Variants in IL17RD observed in about 807,000 individuals in gnomAD.
IL17RD encodes the protein interleukin 17 receptor D, also known as interleukin-17 receptor D.
IL17RD carries 52 observed loss-of-function variants against 80.5 expected under a neutral mutation model. That is an observed-to-expected ratio of 0.65 (90% CI 0.52 to 0.81). The LOEUF (loss-of-function observed/expected upper bound fraction) is 0.81, where lower values mean the gene tolerates loss of function less well. Ranked by LOEUF, IL17RD falls within the 40% of genes least tolerant of loss-of-function variation. The pLI is 0.00. For missense variants in IL17RD, 1,024 were observed against 955.1 expected (o/e 1.07, Z -0.95); for synonymous variants, 416 against 391.8 (o/e 1.06, Z -0.73).
chr3:57,161,013 G>A (rs1321975871), intron 1 of IL17RD, among the ~76,000 whole-genome samples: 2 of 152,186 alleles, frequency 1.3e-5, no homozygotes, highest in Non-Finnish European at 2.9e-5. Context: ...GCACTGCAGG[G>A]GCTTGGGGTT....
At chr3:57,103,202 T>C in intron 8 of IL17RD, 57 bp from the exon 9 acceptor site, 1 of 1,397,590 alleles carries the variant, frequency 7.2e-7, no homozygotes, top group Non-Finnish European at 9.9e-7. Context: ...ACCAGGTAAG[T>C]GGAAAAAAAT....
chr3:57,132,604 T>C (rs544593298), intron 1 of IL17RD, among the ~76,000 whole-genome samples: 86 of 152,308 alleles, frequency 5.6e-4, no homozygotes, highest in African/African-American at 2.0e-3. Context: ...TACAACTCAG[T>C]AACTAAACAC....
intron 10 of IL17RD, among the ~76,000 whole-genome samples, chr3:57,101,924 A>C (rs1194105721): frequency 6.6e-6 from 1 of 152,158 alleles, no homozygotes; most frequent in Non-Finnish European, 1.5e-5. Context: ...CTTATACTTC[A>C]GGCTTCCTTT....
chr3:57,165,052 C>T (rs2060337767), intron 1 of IL17RD, 109 bp downstream of exon 1: 3 of 1,358,408 alleles, frequency 2.2e-6, no homozygotes, highest in Non-Finnish European at 2.8e-6. Context: ...GGCCGCGGAC[C>T]CCGCGAAGAG....
intron 1 of IL17RD, among the ~76,000 whole-genome samples, chr3:57,151,654 G>C (rs2060222949): frequency 6.6e-6 from 1 of 152,120 alleles, no homozygotes. Context: ...TTTTAGGCCA[G>C]GTAATTTTTT....
chr3:57,162,095 C>A (rs1198798301), intron 1 of IL17RD, among the ~76,000 whole-genome samples: 1 of 152,254 alleles, frequency 6.6e-6, no homozygotes, highest in African/African-American at 2.4e-5. Context: ...CCTCTGGGAG[C>A]AGCCCCGAAG....
At chr3:57,146,088 T>C (rs9817589) in intron 1 of IL17RD, among the ~76,000 whole-genome samples, 1 of 151,652 alleles carries the variant, frequency 6.6e-6, no homozygotes. Context: ...CACACACACA[T>C]ACAAAGGAAC....
intron 2 of IL17RD, among the ~76,000 whole-genome samples, chr3:57,117,346 T>C (rs1226228488): frequency 6.6e-6 from 1 of 152,142 alleles, no homozygotes; most frequent in Non-Finnish European, 1.5e-5. Context: ...ACTCCTGACC[T>C]CAGGTGATCC....
intron 12 of IL17RD, 84 bp from the exon 13 acceptor site, chr3:57,096,589 T>A (rs1016224217): frequency 1.0e-6 from 1 of 993,664 alleles, no homozygotes; most frequent in East Asian, 2.4e-5. Flanking sequence ...TGTGACTGGA[T>A]CTGGGTTTGG....
intron 1 of IL17RD, among the ~76,000 whole-genome samples, chr3:57,144,936 A>C (rs1025122420): frequency 1.3e-4 from 20 of 152,180 alleles, no homozygotes; most frequent in Admixed American, 2.0e-4. Flanking sequence ...GTATGTGTGT[A>C]TCACTATTCT....
chr3:57,127,254 ATAT>A (rs1559476812), intron 1 of IL17RD, among the ~76,000 whole-genome samples: 4 of 100,002 alleles, frequency 4.0e-5, no homozygotes, highest in African/African-American at 2.1e-4. Flanking sequence ...ATATATATAA[ATAT>A]ATATAAATAT....
Position 57,098,395 on chromosome 3 carries a change from T to C in IL17RD, c.1308A>G (p.Lys436=). 2 of 1,614,008 alleles carry C rather than the reference T, an allele frequency of 1.2e-6. No individual in the cohort carries two copies. The highest frequency in any genetic ancestry group is 1.7e-6 in the Non-Finnish European group (2 of 1,179,894). The change falls in exon 12 of 13, where the codon AAA becomes AAG. Residue 436 remains lysine, a synonymous_variant. Coordinates refer to ENST00000296318, the MANE Select transcript of IL17RD (RefSeq NM_017563.5). ...MKYFVDKKNY[K]HKGGGRGSGK... Reference sequence around the variant, plus strand: ...CCGAGCCTCGGCCACCTCCTTTGTGTTTGTAGTTCTTCTTGTCCACAAAGT... The same window carrying C: ...CCGAGCCTCGGCCACCTCCTTTGTGCTTGTAGTTCTTCTTGTCCACAAAGT...
Position 57,165,281 on chromosome 3 carries a change from G to A in IL17RD, c.6C>T (p.Ala2=), listed in dbSNP as rs1305272460. 12 of 1,477,478 alleles carry A rather than the reference G, an allele frequency of 8.1e-6. No homozygotes were observed. Among genetic ancestry groups the A allele is most frequent in the Non-Finnish European group, 1.1e-5 (12 of 1,112,452 alleles). The allele number at this position is 1,477,478 out of a possible 1,614,324, so 91.5% of individuals were successfully genotyped here. M[A]PWLQLCSVFF... The stretch of plus-strand genomic sequence containing the variant: ...AGACGGAGCAGAGCTGCAGCCACGG[G>A]GCCATGGCCGTGCGCTCGCCCAGCC... Residue 2 remains alanine, a synonymous_variant, in exon 1 of 13, where the codon GCC becomes GCT. Coordinates refer to ENST00000296318, the MANE Select transcript of IL17RD (RefSeq NM_017563.5).
chr3:57,127,395 A>AATAT lies in IL17RD; in HGVS notation c.127-7086_127-7083dup, dbSNP rs369292371. 1.4e-3 allele frequency among the ~76,000 whole-genome samples: 124 copies of AATAT among 86,604 alleles called. 9 individuals carry two copies. Among genetic ancestry groups the AATAT allele is most frequent in the African/African-American group, 2.5e-3 (45 of 17,810 alleles). The allele number at this position is 86,604 out of a possible 152,430, so 56.8% of individuals were successfully genotyped here. A position where few individuals can be genotyped will look rare whatever the true frequency, so the allele number is the denominator to read the frequency against. On this transcript the variant is annotated intron_variant, in intron 1 of 12. Coordinates refer to ENST00000296318, the MANE Select transcript of IL17RD (RefSeq NM_017563.5). ...ATATATATAAATAAATAAATAAATA[A>AATAT]ATATATATATATATATATTTTTTTT...
At chr3:57,140,496 AG>A (rs1194007648) in intron 1 of IL17RD, among the ~76,000 whole-genome samples, 2 of 152,210 alleles carry the variant, frequency 1.3e-5, no homozygotes, top group African/African-American at 4.8e-5. Context: ...TTTTGTTAAA[AG>A]CTCACAAAAA....
At chr3:57,163,521 C>T (rs61515277) in intron 1 of IL17RD, among the ~76,000 whole-genome samples, 1 of 151,910 alleles carries the variant, frequency 6.6e-6, no homozygotes, top group Non-Finnish European at 1.5e-5. Context: ...AACAGTGAAT[C>T]GGACTGATTT....
In IL17RD at chr3:57,105,937, G is replaced by C; in HGVS notation, c.667C>G (p.His223Asp). The change falls in exon 7 of 13, where the codon CAC becomes GAC. Residue 223 changes from histidine (H) to aspartate (D), a missense_variant. Transcript: ENST00000296318. ...DMQVSFDHAP[H>D]NFGFRFFYLH... ...TAGAAGAAACGGAAGCCGAAGTTGT[G>C]CGGTGCATGGTCGAAGGACACCTGC... The C allele has an allele frequency of 1.9e-6, 3 of 1,613,868 alleles. No homozygotes were observed. Among genetic ancestry groups the C allele is most frequent in the Non-Finnish European group, 2.5e-6 (3 of 1,179,812 alleles).
intron 1 of IL17RD, among the ~76,000 whole-genome samples, chr3:57,139,957 T>C (rs1367786416): frequency 6.6e-6 from 1 of 152,138 alleles, no homozygotes; most frequent in Non-Finnish European, 1.5e-5. Flanking sequence ...ATAGAAAACA[T>C]ATTATTAGGA....
At position 57,098,080 on chromosome 3, in the gene IL17RD, G is replaced by A. The variant is rs1420564488; in HGVS notation, c.1623C>T (p.Ser541=). The change falls in exon 12 of 13, where the codon TCC becomes TCT. Residue 541 remains serine, a synonymous_variant. Transcript: ENST00000296318. ...GCATGTTGCAAATGGCGACGTATAG[G>A]GACCGGCCTGACTTGCTCCGGAAGT... The part of the protein sequence containing the change: ...RNYFRSKSGR[S]LYVAICNMHQ... 1 of 1,614,002 alleles carries A rather than the reference G, an allele frequency of 6.2e-7. No homozygotes were observed. The highest frequency in any genetic ancestry group is 2.2e-5 in the East Asian group (1 of 44,870).
Sources: gnomAD v4.1 joint callset for allele counts (sites outside exome capture counted in the v4.1 genomes callset) on GRCh38, gnomAD v4.1.1 for gene constraint, MANE v1.5 for transcripts, NCBI Gene and HGNC (gene_info 2026-07-23, HGNC 2026-07-21) for gene names.